CFH: variants seen among roughly 807,000 people sequenced by gnomAD.
CFH encodes the protein H factor 1 (complement).
A neutral mutation model predicts 147.3 loss-of-function variants in CFH; 53 were observed. The observed-to-expected ratio is 0.36, with a 90% CI of 0.29 to 0.45. The LOEUF is 0.45. Ranked by LOEUF, CFH falls within the 20% of genes least tolerant of loss-of-function variation. CFH has a pLI of 1.00. For synonymous variants in CFH, 536 were observed against 489.4 expected (o/e 1.10, Z -1.26); for missense variants, 1,380 against 1,498.0 (o/e 0.92, Z 1.30).
chr1:196,701,341 C>T lies in CFH; in HGVS notation c.1336+11102C>T, dbSNP rs374428087. The T allele has an allele frequency of 2.2e-5, 35 of 1,613,656 alleles. No homozygotes were observed. The East Asian group carries it at 2.9e-4, about 13-fold the overall frequency. Reference sequence around the variant, plus strand: ...AGGCTTTACCCTCTGAACTTCTGATCGAAGGTCATCCCTCTCCAGCTTGAG... The same window carrying T: ...AGGCTTTACCCTCTGAACTTCTGATTGAAGGTCATCCCTCTCCAGCTTGAG... On this transcript the variant is annotated intron_variant, in intron 9 of 21. Transcript: ENST00000367429.
Position 196,679,637 on chromosome 1 carries a change from T to A in CFH, c.634T>A (p.Ser212Thr). 6.2e-7 allele frequency: 1 copy of A among 1,604,148 alleles called. No individual in the cohort carries two copies. Among genetic ancestry groups the A allele is most frequent in the Non-Finnish European group, 8.5e-7 (1 of 1,172,460 alleles). The change falls in exon 6 of 22, where the codon TCC becomes ACC. Residue 212 changes from serine (S) to threonine (T), a missense_variant. Transcript: ENST00000367429. ...KPKCVEISCKSPDVINGSPIS... is the reference protein window; with the variant it reads ...KPKCVEISCKTPDVINGSPIS... ...CTTTTATTTAGAAATTTCATGCAAATCCCCAGATGTTATAAATGGATCTCC... is the reference window on the plus strand; with the variant it reads ...CTTTTATTTAGAAATTTCATGCAAAACCCCAGATGTTATAAATGGATCTCC...
chr1:196,696,103 C>G (rs993703721), intron 9 of CFH, among the ~76,000 whole-genome samples: 2 of 152,068 alleles, frequency 1.3e-5, no homozygotes, highest in African/African-American at 4.8e-5. Flanking sequence ...GAACTCAACT[C>G]TGGACCAACT....
At chr1:196,746,375 CG>C (rs994976525) in intron 21 of CFH, among the ~76,000 whole-genome samples, 5 of 152,132 alleles carry the variant, frequency 3.3e-5, no homozygotes, top group Admixed American at 6.5e-5. Context: ...GGCGGGAACC[CG>C]GGAGGCGGAG....
chr1:196,693,194 A>C (rs2149091311), intron 9 of CFH, among the ~76,000 whole-genome samples: 1 of 152,218 alleles, frequency 6.6e-6, no homozygotes, highest in South Asian at 2.1e-4. Context: ...ATATGCAGAA[A>C]AAATTAAACA....
At chr1:196,665,096 T>G (rs1389168817) in intron 1 of CFH, among the ~76,000 whole-genome samples, 1 of 151,636 alleles carries the variant, frequency 6.6e-6, no homozygotes, top group East Asian at 1.9e-4. Flanking sequence ...TTGGTAATGG[T>G]CACGTTAATG....
At chr1:196,675,737 G>A (rs1228459161) in intron 3 of CFH, among the ~76,000 whole-genome samples, 1 of 151,914 alleles carries the variant, frequency 6.6e-6, no homozygotes, top group African/African-American at 2.4e-5. Context: ...GGGAGAGAGA[G>A]GTTAAGAGAT....
intron 11 of CFH, among the ~76,000 whole-genome samples, chr1:196,723,105 A>G (rs1669041099): frequency 6.6e-6 from 1 of 152,076 alleles, no homozygotes; most frequent in South Asian, 2.1e-4. Flanking sequence ...TTATTGCTGA[A>G]GAGTTAGTGT....
chr1:196,695,053 G>T (rs1328974651), intron 9 of CFH, among the ~76,000 whole-genome samples: 1 of 152,064 alleles, frequency 6.6e-6, no homozygotes. Context: ...CATTGCTTTT[G>T]GTGTTTTAGT....
At chr1:196,712,933 A>G (rs956403297) in intron 9 of CFH, among the ~76,000 whole-genome samples, 5 of 151,892 alleles carry the variant, frequency 3.3e-5, no homozygotes, top group African/African-American at 4.8e-5. Context: ...ATGTCCCTAC[A>G]AAGGACATGA....
intron 7 of CFH, among the ~76,000 whole-genome samples, chr1:196,687,973 T>C (rs1303445369): frequency 6.8e-6 from 1 of 147,572 alleles, no homozygotes; most frequent in Non-Finnish European, 1.5e-5. Context: ...ATAATCCACA[T>C]AATAAATGTA....
intron 9 of CFH, among the ~76,000 whole-genome samples, chr1:196,693,151 A>G (rs1668124394): frequency 6.6e-6 from 1 of 152,028 alleles, no homozygotes. Context: ...TCAATTTAAT[A>G]AAATCTAAAT....
intron 6 of CFH, among the ~76,000 whole-genome samples, chr1:196,683,166 G>A (rs1179801782): frequency 6.6e-6 from 1 of 151,272 alleles, no homozygotes; most frequent in African/African-American, 2.4e-5. Context: ...TAAAAGAAAA[G>A]CATCACTTAG....
chr1:196,706,304 G>T (rs542480342), intron 9 of CFH, among the ~76,000 whole-genome samples: 1 of 152,224 alleles, frequency 6.6e-6, no homozygotes, highest in Admixed American at 6.5e-5. Context: ...AATTAAGCAT[G>T]CTAAAGAAAT....
intron 9 of CFH, among the ~76,000 whole-genome samples, chr1:196,710,340 T>C (rs145241187): frequency 1.3e-5 from 2 of 152,234 alleles, no homozygotes; most frequent in African/African-American, 2.4e-5. Flanking sequence ...ATTGGTCTAT[T>C]GCTAAACAGT....
At chr1:196,711,511 C>T (rs1668722057) in intron 9 of CFH, among the ~76,000 whole-genome samples, 1 of 151,930 alleles carries the variant, frequency 6.6e-6, no homozygotes, top group African/African-American at 2.4e-5. Flanking sequence ...AGAGAAGCAG[C>T]TTTGGAACTT....
chr1:196,746,020 G>A (rs769928337), intron 21 of CFH, 21 bp downstream of exon 21: 4 of 1,613,950 alleles, frequency 2.5e-6, no homozygotes, highest in African/African-American at 2.7e-5. Context: ...TAATATTCAC[G>A]TGGCTGGAAA....
intron 9 of CFH, among the ~76,000 whole-genome samples, chr1:196,706,518 A>T (rs1256735496): frequency 6.6e-6 from 1 of 152,110 alleles, no homozygotes; most frequent in African/African-American, 2.4e-5. Context: ...TAAAATCCCT[A>T]CCTAATGGAA....
At chr1:196,725,881 G>C (rs1396753850) in intron 12 of CFH, among the ~76,000 whole-genome samples, 3 of 152,198 alleles carry the variant, frequency 2.0e-5, no homozygotes, top group Admixed American at 2.0e-4. Context: ...GACCCCACCT[G>C]AAACACTGGG....
At chr1:196,742,549 A>G (rs1359390705) in intron 19 of CFH, among the ~76,000 whole-genome samples, 1 of 152,230 alleles carries the variant, frequency 6.6e-6, no homozygotes, top group Non-Finnish European at 1.5e-5. Context: ...GGAACTGAGT[A>G]TTTGATGATT....
Sources: gnomAD v4.1 joint callset for allele counts (sites outside exome capture counted in the v4.1 genomes callset) on GRCh38, gnomAD v4.1.1 for gene constraint, MANE v1.5 for transcripts, NCBI Gene and HGNC (gene_info 2026-07-23, HGNC 2026-07-21) for gene names.